Variants in ANKRD30B observed in about 807,000 individuals in gnomAD.
ANKRD30B encodes the protein ankyrin repeat domain-containing protein 30B.
ANKRD30B carries 144 observed loss-of-function variants against 202.2 expected under a neutral mutation model. That is an observed-to-expected ratio of 0.71 (90% CI 0.62 to 0.82). The LOEUF is 0.82. Ranked by LOEUF, ANKRD30B falls within the 40% of genes least tolerant of loss-of-function variation. ANKRD30B has a pLI of 0.00. For missense variants in ANKRD30B, 1,487 were observed against 1,669.1 expected, an observed-to-expected ratio of 0.89 and a Z score of 1.90; for synonymous variants, 508 against 561.3, an observed-to-expected ratio of 0.91 and a Z score of 1.34.
At chr18:14,887,176 T>C in the ANKRD30B span, among the ~76,000 whole-genome samples, 1 of 152,148 alleles carries the variant, frequency 6.6e-6, no homozygotes, top group African/African-American at 2.4e-5. Context: ...TGAAAGACTT[T>C]GGAAGTGGAA....
chr18:14,766,858 A>G (rs1221266634), intron 7 of ANKRD30B, among the ~76,000 whole-genome samples: 1 of 152,184 alleles, frequency 6.6e-6, no homozygotes, highest in African/African-American at 2.4e-5. Flanking sequence ...AAAGTAGGAG[A>G]GGAGTTACTT....
the ANKRD30B span, among the ~76,000 whole-genome samples, chr18:14,898,626 C>T: frequency 6.6e-6 from 1 of 152,014 alleles, no homozygotes; most frequent in Non-Finnish European, 1.5e-5. Flanking sequence ...CATTCGATTC[C>T]TTTTTTACTG....
downstream of ANKRD30B, among the ~76,000 whole-genome samples, chr18:14,858,648 A>G: frequency 8.8e-6 from 1 of 114,232 alleles, no homozygotes; most frequent in Non-Finnish European, 1.8e-5. Context: ...TACCAGACGA[A>G]GGGCAGCCAG....
chr18:14,890,490 G>A, the ANKRD30B span, among the ~76,000 whole-genome samples: 5 of 151,620 alleles, frequency 3.3e-5, no homozygotes, highest in Non-Finnish European at 7.4e-5. Flanking sequence ...ACAGATTGAG[G>A]CAGGTAGTCT....
intron 24 of ANKRD30B, among the ~76,000 whole-genome samples, chr18:14,807,961 A>G (rs1969625073): frequency 6.6e-6 from 1 of 151,138 alleles, no homozygotes. Context: ...AAAAATAAAT[A>G]TATTCATAAC....
intron 18 of ANKRD30B, 50 bp downstream of exon 18, chr18:14,796,465 T>C (rs1344114967): frequency 2.0e-6 from 3 of 1,496,376 alleles, no homozygotes; most frequent in Non-Finnish European, 2.7e-6. Flanking sequence ...TATTAAACTA[T>C]TTGAAATGCC....
chr18:14,772,709 G>GT (rs34769482), intron 9 of ANKRD30B, among the ~76,000 whole-genome samples: 3,069 of 113,720 alleles, frequency 0.027, 44 homozygotes, highest in Middle Eastern at 0.05. Context: ...AGCATATAGG[G>GT]TTTTTTTTTT....
Position 14,850,253 on chromosome 18 carries a change from C to T in ANKRD30B, c.3435C>T (p.Val1145=), listed in dbSNP as rs4090321. Residue 1145 remains valine (V), a synonymous_variant, in exon 41 of 44, where the codon GTC becomes GTT. Coordinates refer to ENST00000690538, the MANE Select transcript of ANKRD30B (RefSeq NM_001367607.2). ...LNQEEEKRRN[V]DILKEKIRPE... is the part of the protein sequence containing the mutation. The stretch of plus-strand genomic sequence containing the variant: ...AAGAAGAAGAGAAGAGAAGAAATGT[C>T]GATATATTAAAAGAAAAAATTAGAC... The T allele has an allele frequency of 2.1e-3, 3,330 of 1,582,768 alleles. 71 individuals are homozygous for T. In the African/African-American group the frequency reaches 0.04, roughly 19 times the overall value.
the ANKRD30B span, chr18:14,890,019 G>C: frequency 1.7e-6 from 2 of 1,197,316 alleles, no homozygotes; most frequent in Middle Eastern, 2.7e-4. Flanking sequence ...CTCATTCATT[G>C]CAAGATAGAA....
In ANKRD30B at chr18:14,765,950, T is replaced by C. The variant is rs192051391; in HGVS notation, c.1225+1860T>C. 1.2e-3 allele frequency among the ~76,000 whole-genome samples: 178 copies of C among 152,292 alleles called. 1 individual carries two copies. Among genetic ancestry groups the C allele is most frequent in the African/African-American group, 3.9e-3 (162 of 41,564 alleles). ...GATAGTAATTGGTAGGGTTTCTTTT[T>C]CACTGTGAAAGCCATCAGTTAAGGG... On this transcript the variant is annotated intron_variant, in intron 7 of 43. Transcript: ENST00000690538.
chr18:14,760,331 TATACTGCCCTCA>T (rs1344626440), intron 5 of ANKRD30B, among the ~76,000 whole-genome samples: 2 of 152,310 alleles, frequency 1.3e-5, no homozygotes, highest in East Asian at 3.9e-4. Flanking sequence ...TTTACTGAGT[TATACTGCCCTCA>T]ATTCATGAGT....
chr18:14,792,961 A>G (rs1431880197), intron 16 of ANKRD30B, among the ~76,000 whole-genome samples: 1 of 152,110 alleles, frequency 6.6e-6, no homozygotes, highest in Admixed American at 6.5e-5. Context: ...ATTCATAGGT[A>G]TTTTACTGAT....
At chr18:14,820,539 C>G (rs1376963792) in intron 30 of ANKRD30B, among the ~76,000 whole-genome samples, 3 of 152,134 alleles carry the variant, frequency 2.0e-5, no homozygotes, top group Non-Finnish European at 4.4e-5. Flanking sequence ...TACATCCCAT[C>G]AATACCTAAT....
chr18:14,931,554 G>A, the ANKRD30B span, among the ~76,000 whole-genome samples: 11 of 152,096 alleles, frequency 7.2e-5, no homozygotes, highest in African/African-American at 1.4e-4. Context: ...AGTGTAAGGC[G>A]GAGCTGCCCT....
At chr18:14,885,676 C>G in the ANKRD30B span, among the ~76,000 whole-genome samples, 14 of 152,076 alleles carry the variant, frequency 9.2e-5, no homozygotes, top group African/African-American at 1.4e-4. Context: ...GAAGAGCAAA[C>G]TCTATGAGAT....
chr18:14,893,436 C>T, the ANKRD30B span, among the ~76,000 whole-genome samples: 1 of 152,076 alleles, frequency 6.6e-6, no homozygotes, highest in East Asian at 1.9e-4. Flanking sequence ...TATGGTGAAA[C>T]CCCATCTCTA....
At chr18:14,762,207 G>A (rs1485296715) in intron 6 of ANKRD30B, among the ~76,000 whole-genome samples, 1 of 152,220 alleles carries the variant, frequency 6.6e-6, no homozygotes, top group Non-Finnish European at 1.5e-5. Flanking sequence ...CCATCTTGCA[G>A]TGGGAAAGGA....
chr18:14,765,543 T>C (rs1348714828), intron 7 of ANKRD30B, among the ~76,000 whole-genome samples: 1 of 152,182 alleles, frequency 6.6e-6, no homozygotes, highest in African/African-American at 2.4e-5. Context: ...CTCTGCATTG[T>C]AGAGTGAAAG....
chr18:14,788,782 T>C (rs1042044773), intron 15 of ANKRD30B, among the ~76,000 whole-genome samples: 5 of 152,024 alleles, frequency 3.3e-5, no homozygotes, highest in South Asian at 2.1e-4. Flanking sequence ...ATTTTCTTAA[T>C]CCAGTCTATC....
Sources: gnomAD v4.1 joint callset for allele counts (sites outside exome capture counted in the v4.1 genomes callset) on GRCh38, gnomAD v4.1.1 for gene constraint, MANE v1.5 for transcripts, NCBI Gene and HGNC (gene_info 2026-07-23, HGNC 2026-07-21) for gene names.